The following ATP2C2 variants were observed in gnomAD, a reference collection of about 807,000 sequenced individuals.
ATP2C2 encodes ATPase secretory pathway Ca2+ transporting 2.
Under a neutral mutation model 110.8 loss-of-function variants are expected in ATP2C2, and 171 were observed. The ratio of observed to expected loss-of-function variants is 1.54; its 90% CI spans 1.36 to 1.75. The LOEUF is 1.75. Among genes scored for constraint, ATP2C2 ranks in the 40% most tolerant of loss-of-function variants. ATP2C2 has a pLI of 0.00. For synonymous variants in ATP2C2, 804 were observed against 508.4 expected (o/e 1.58, Z -7.82); for missense variants, 1,963 against 1,235.0 (o/e 1.59, Z -8.84).
intron 1 of ATP2C2, among the ~76,000 whole-genome samples, chr16:84,370,709 A>G (rs571958124): frequency 7.2e-6 from 1 of 139,758 alleles, no homozygotes. Context: ...ATACTAGTTT[A>G]TTTAGGGGTT....
At chr16:84,425,470 C>T (rs1228075752) in intron 10 of ATP2C2, among the ~76,000 whole-genome samples, 1 of 152,194 alleles carries the variant, frequency 6.6e-6, no homozygotes, top group Admixed American at 6.5e-5. Flanking sequence ...GATGTAAATG[C>T]TTGCGAACAG....
rs545569306 is a variant in ATP2C2, at chr16:84,391,967, A to C, written c.100-6532A>C. ...TTATATTACGACGATTGTTCTGCAA[A>C]AGGTTTTTTTTTTAATTTGATGACA... On this transcript the variant is annotated intron_variant, in intron 1 of 26. Transcript: ENST00000262429. Among the ~76,000 whole-genome samples the C allele has an allele frequency of 4.6e-5, 7 of 152,010 alleles. No homozygotes were observed. The South Asian group carries it at 1.3e-3, about 27-fold the overall frequency.
At chr16:84,417,519 G>T (rs16963611) in intron 7 of ATP2C2, among the ~76,000 whole-genome samples, 1 of 152,096 alleles carries the variant, frequency 6.6e-6, no homozygotes, top group Non-Finnish European at 1.5e-5. Flanking sequence ...TCTATACAAC[G>T]GTTCTTTGAA....
At chr16:84,397,670 A>AAAAAAAAAAAAAAAAC (rs1555553736) in intron 1 of ATP2C2, among the ~76,000 whole-genome samples, 174 of 145,874 alleles carry the variant, frequency 1.2e-3, no homozygotes, top group Non-Finnish European at 2.3e-3. Context: ...AAAAAAAAAA[A>AAAAAAAAAAAAAAAAC]AAACTTGCTT....
At chr16:84,376,406 A>G (rs1173978198) in intron 1 of ATP2C2, among the ~76,000 whole-genome samples, 4 of 152,204 alleles carry the variant, frequency 2.6e-5, no homozygotes, top group Non-Finnish European at 5.9e-5. Flanking sequence ...ATTGGTCTCC[A>G]CCACACAAGG....
intron 11 of ATP2C2, among the ~76,000 whole-genome samples, chr16:84,434,491 T>C (rs909026169): frequency 6.6e-6 from 1 of 152,032 alleles, no homozygotes; most frequent in Non-Finnish European, 1.5e-5. Flanking sequence ...GCACTTGCTT[T>C]TCCTGGTCCA....
intron 18 of ATP2C2, 94 bp downstream of exon 18, chr16:84,452,185 T>A: frequency 2.0e-6 from 3 of 1,471,280 alleles, no homozygotes; most frequent in Non-Finnish European, 1.9e-6. Flanking sequence ...GCAAACTCGG[T>A]CAGGAGTGCT....
At chr16:84,434,225 G>A (rs12448663) in intron 11 of ATP2C2, among the ~76,000 whole-genome samples, 33,009 of 151,486 alleles carry the variant, frequency 0.22, 4,124 homozygotes, top group East Asian at 0.49. Context: ...AGATCATCCC[G>A]GCCCACATTG....
intron 13 of ATP2C2, among the ~76,000 whole-genome samples, chr16:84,440,594 T>C (rs567142911): frequency 1.3e-5 from 2 of 152,222 alleles, no homozygotes; most frequent in Non-Finnish European, 2.9e-5. Flanking sequence ...TGCTAGTTCT[T>C]AGTTTTCTTA....
chr16:84,377,302 A>G (rs947041546), intron 1 of ATP2C2, among the ~76,000 whole-genome samples: 2 of 152,180 alleles, frequency 1.3e-5, no homozygotes, highest in Admixed American at 6.5e-5. Flanking sequence ...TTTCAATCCA[A>G]TCACCTGTCT....
intron 1 of ATP2C2, among the ~76,000 whole-genome samples, chr16:84,380,775 CG>C (rs1333764276): frequency 6.6e-6 from 1 of 152,100 alleles, no homozygotes; most frequent in African/African-American, 2.4e-5. Context: ...GTACATACAT[CG>C]GGGGGTCTGT....
At chr16:84,459,811 C>G (rs1280980542) in intron 23 of ATP2C2, 2 of 492,826 alleles carry the variant, frequency 4.1e-6, no homozygotes, top group Middle Eastern at 5.6e-4. Flanking sequence ...ATCTGTCTCC[C>G]CTTTAGAACA....
intron 17 of ATP2C2, among the ~76,000 whole-genome samples, chr16:84,450,423 C>T (rs551235171): frequency 1.0e-3 from 157 of 152,214 alleles, no homozygotes; most frequent in African/African-American, 3.7e-3. Context: ...CACATGCATC[C>T]AGGGGAAGAT....
intron 1 of ATP2C2, among the ~76,000 whole-genome samples, chr16:84,398,105 T>A (rs1459270182): frequency 1.3e-5 from 2 of 151,520 alleles, no homozygotes; most frequent in East Asian, 1.9e-4. Flanking sequence ...TTTTATGCTT[T>A]AAAAAAAACA....
At chr16:84,447,877 T>TA (rs1909903282) in intron 16 of ATP2C2, among the ~76,000 whole-genome samples, 1 of 135,832 alleles carries the variant, frequency 7.4e-6, no homozygotes, top group East Asian at 2.1e-4. Context: ...AATATGTTAA[T>TA]TACATATTAA....
At chr16:84,370,875 C>T (rs529939938) in intron 1 of ATP2C2, among the ~76,000 whole-genome samples, 2 of 152,218 alleles carry the variant, frequency 1.3e-5, no homozygotes, top group African/African-American at 4.8e-5. Flanking sequence ...CTTGCTGTGT[C>T]TTCTCTTGGG....
At chr16:84,412,850 C>A (rs1038064123) in intron 6 of ATP2C2, among the ~76,000 whole-genome samples, 1 of 152,000 alleles carries the variant, frequency 6.6e-6, no homozygotes, top group Non-Finnish European at 1.5e-5. Flanking sequence ...AATCCCAGCA[C>A]TTTGGGAGGC....
At chr16:84,426,526 C>T (rs561230091) in intron 11 of ATP2C2, among the ~76,000 whole-genome samples, 4 of 152,216 alleles carry the variant, frequency 2.6e-5, no homozygotes, top group African/African-American at 7.2e-5. Context: ...TTAAATTCTA[C>T]GCTTGCCACA....
At chr16:84,429,662 G>C (rs937936108) in intron 11 of ATP2C2, among the ~76,000 whole-genome samples, 6 of 152,182 alleles carry the variant, frequency 3.9e-5, no homozygotes, top group African/African-American at 1.2e-4. Flanking sequence ...TCAAGGGCTA[G>C]AGGAAGAGAG....
Sources: allele counts gnomAD v4.1 joint callset (sites outside exome capture counted in the v4.1 genomes callset), GRCh38; gene constraint gnomAD v4.1.1; transcripts MANE v1.5; gene names NCBI Gene and HGNC (gene_info 2026-07-23, HGNC 2026-07-21).